DNM3: variants seen among roughly 807,000 people sequenced by gnomAD.
DNM3 encodes the protein dynamin 3, also known as dynamin-3.
A neutral mutation model predicts 101.6 loss-of-function variants in DNM3; 47 were observed. The observed-to-expected ratio is 0.46, with a 90% CI of 0.37 to 0.59. The LOEUF (loss-of-function observed/expected upper bound fraction) is 0.59. DNM3 is among the 20% of genes least tolerant of loss of function. DNM3 has a pLI of 0.00. For synonymous variants in DNM3, 385 were observed against 387.9 expected (o/e 0.99, Z 0.09); for missense variants, 849 against 1,085.7 (o/e 0.78, Z 3.06).
At chr1:172,018,911 C>G (rs1343443869) in intron 4 of DNM3, among the ~76,000 whole-genome samples, 1 of 151,990 alleles carries the variant, frequency 6.6e-6, no homozygotes, top group African/African-American at 2.4e-5. Context: ...CAACAAACTT[C>G]CCCAATTTTT....
intron 18 of DNM3, among the ~76,000 whole-genome samples, chr1:172,382,130 C>T (rs182144322): frequency 1.1e-4 from 17 of 152,118 alleles, no homozygotes; most frequent in Non-Finnish European, 2.5e-4. Context: ...ATACTGTAAG[C>T]CTTTGTCTAT....
At chr1:172,040,188 T>C (rs1274738118) in intron 7 of DNM3, among the ~76,000 whole-genome samples, 1 of 152,112 alleles carries the variant, frequency 6.6e-6, no homozygotes, top group Non-Finnish European at 1.5e-5. Context: ...AAGTACACTT[T>C]CTGAAAAATT....
intron 14 of DNM3, among the ~76,000 whole-genome samples, chr1:172,209,299 C>A (rs1306870280): frequency 6.6e-6 from 1 of 151,946 alleles, no homozygotes; most frequent in African/African-American, 2.4e-5. Context: ...CCTGCTGACA[C>A]CTTGATCTTG....
chr1:171,932,455 C>T (rs1357653919), intron 2 of DNM3, among the ~76,000 whole-genome samples: 2 of 151,892 alleles, frequency 1.3e-5, no homozygotes, highest in African/African-American at 4.8e-5. Flanking sequence ...CACTGCACTC[C>T]CCACCCACCT....
At chr1:172,042,464 TTGCTTGTC>T (rs1235168751) in intron 8 of DNM3, among the ~76,000 whole-genome samples, 1 of 152,176 alleles carries the variant, frequency 6.6e-6, no homozygotes, top group Non-Finnish European at 1.5e-5. Flanking sequence ...GAGAAGACCC[TTGCTTGTC>T]TAGTGGGGAA....
intron 2 of DNM3, among the ~76,000 whole-genome samples, chr1:171,974,921 C>T (rs1381618103): frequency 2.0e-5 from 3 of 151,274 alleles, no homozygotes; most frequent in African/African-American, 4.9e-5. Flanking sequence ...GAGTTAAAGG[C>T]TCACTGCACC....
intron 15 of DNM3, among the ~76,000 whole-genome samples, chr1:172,302,379 G>A (rs1418167906): frequency 6.6e-6 from 1 of 152,228 alleles, no homozygotes; most frequent in Non-Finnish European, 1.5e-5. Context: ...AGCTTGAAGT[G>A]GGCGCAGCCC....
At chr1:172,019,207 T>C (rs948970456) in intron 4 of DNM3, among the ~76,000 whole-genome samples, 1 of 151,710 alleles carries the variant, frequency 6.6e-6, no homozygotes, top group Non-Finnish European at 1.5e-5. Flanking sequence ...TCCTTTCTTT[T>C]TTCTTTTCTT....
intron 4 of DNM3, among the ~76,000 whole-genome samples, chr1:172,031,578 A>G (rs1232916079): frequency 1.3e-5 from 2 of 152,212 alleles, no homozygotes; most frequent in Non-Finnish European, 1.5e-5. Flanking sequence ...TAAAACATAA[A>G]GCAATATAAA....
At chr1:172,214,105 T>C (rs1373949016) in intron 14 of DNM3, among the ~76,000 whole-genome samples, 1 of 152,180 alleles carries the variant, frequency 6.6e-6, no homozygotes. Context: ...ATGGGAATTA[T>C]TCTAAATTAC....
intron 6 of DNM3, among the ~76,000 whole-genome samples, chr1:172,036,201 T>A (rs1233234106): frequency 7.7e-6 from 1 of 130,076 alleles, no homozygotes; most frequent in Non-Finnish European, 1.6e-5. Flanking sequence ...TTCCAATTCC[T>A]GTGTCCATGT....
chr1:172,010,685 TGTGTG>T (rs2047063289), intron 4 of DNM3, among the ~76,000 whole-genome samples: 3 of 9,410 alleles, frequency 3.2e-4, no homozygotes, highest in African/African-American at 2.8e-3. Context: ...GTATGTTTTG[TGTGTG>T]TGTGTGTGTG....
intron 1 of DNM3, among the ~76,000 whole-genome samples, chr1:171,900,689 T>C (rs2038232990): frequency 6.6e-6 from 1 of 152,136 alleles, no homozygotes; most frequent in South Asian, 2.1e-4. Context: ...TGAGGAATGA[T>C]AGCAGATCTA....
At chr1:172,019,010 CCCCTCCCTTCCTCCCTCCCTTCCT>C (rs199533411) in intron 4 of DNM3, among the ~76,000 whole-genome samples, 2 of 136,268 alleles carry the variant, frequency 1.5e-5, no homozygotes, top group Non-Finnish European at 3.2e-5. Context: ...CTTCCTTCGC[CCCCTCCCTTCCTCCCTCCCTTCCT>C]CCCTCCCTTC....
At chr1:172,224,337 A>G (rs576228651) in intron 14 of DNM3, among the ~76,000 whole-genome samples, 12 of 152,304 alleles carry the variant, frequency 7.9e-5, no homozygotes, top group Non-Finnish European at 1.3e-4. Flanking sequence ...GTTTCAGGAA[A>G]AGGCTAAATT....
intron 2 of DNM3, among the ~76,000 whole-genome samples, chr1:171,954,157 G>A (rs2042707109): frequency 1.3e-5 from 2 of 152,216 alleles, no homozygotes; most frequent in East Asian, 1.9e-4. Flanking sequence ...GCAGCCCATT[G>A]TAACTGCCAA....
At chr1:172,020,453 G>T (rs1242538310) in intron 4 of DNM3, among the ~76,000 whole-genome samples, 1 of 152,062 alleles carries the variant, frequency 6.6e-6, no homozygotes, top group Non-Finnish European at 1.5e-5. Flanking sequence ...CCGCGCGGTG[G>T]CTCACGCCTG....
chr1:172,329,226 A>G (rs946643294), intron 17 of DNM3, among the ~76,000 whole-genome samples: 15 of 152,170 alleles, frequency 9.9e-5, no homozygotes, highest in African/African-American at 3.6e-4. Context: ...AAAATAAGTG[A>G]GATTCAAAAG....
chr1:172,126,574 C>A (rs1007671859), intron 13 of DNM3, among the ~76,000 whole-genome samples: 5 of 152,084 alleles, frequency 3.3e-5, no homozygotes, highest in Non-Finnish European at 5.9e-5. Context: ...ATATCCTTTT[C>A]AGCTACATTA....
Sources: allele counts gnomAD v4.1 joint callset (sites outside exome capture counted in the v4.1 genomes callset), GRCh38; gene constraint gnomAD v4.1.1; transcripts MANE v1.5; gene names NCBI Gene and HGNC (gene_info 2026-07-23, HGNC 2026-07-21).